DYRK2: variants seen among roughly 807,000 people sequenced by gnomAD.
DYRK2 encodes the protein dual specificity tyrosine-phosphorylation-regulated kinase 2.
DYRK2 carries 12 observed loss-of-function variants against 41.6 expected under a neutral mutation model. That is an observed-to-expected ratio of 0.29 (90% CI 0.18 to 0.47). DYRK2 has a LOEUF of 0.47. Ranked by LOEUF, DYRK2 falls within the 20% of genes least tolerant of loss-of-function variation. DYRK2 has a pLI of 1.00. For missense variants in DYRK2, 678 were observed against 798.4 expected (o/e 0.85, Z 1.82); for synonymous variants, 322 against 315.7 (o/e 1.02, Z -0.21).
At chr12:67,656,898 C>G (rs1320761535) in intron 2 of DYRK2, among the ~76,000 whole-genome samples, 1 of 152,102 alleles carries the variant, frequency 6.6e-6, no homozygotes, top group Non-Finnish European at 1.5e-5. Flanking sequence ...GTGGGGAACC[C>G]TGAATATGTA....
At chr12:67,653,605 C>T (rs921938722) in intron 2 of DYRK2, among the ~76,000 whole-genome samples, 31 of 152,222 alleles carry the variant, frequency 2.0e-4, no homozygotes, top group Non-Finnish European at 3.2e-4. Flanking sequence ...GCAAGCCTAA[C>T]GTCTTGTGAC....
rs772776286 is a variant in DYRK2 at position 67,658,236 on chromosome 12, G to T, written c.1329G>T (p.Gln443His). The part of the protein sequence containing the change: ...CMIELLGMPS[Q>H]KLLDASKRAK... ...TTGAACTGTTGGGCATGCCCTCACA[G>T]AAACTGCTGGATGCATCCAAACGAG... is the stretch of plus-strand genomic sequence containing the variant. Residue 443 changes from glutamine to histidine, a missense_variant, in exon 3 of 3, where the codon CAG becomes CAT. Coordinates refer to ENST00000344096, the MANE Select transcript of DYRK2 (RefSeq NM_006482.3). This position sits in a 1 kb window ranked among gnomAD's most constrained non-coding sequence, Gnocchi z 4.3. The T allele has an allele frequency of 6.2e-7, 1 of 1,614,222 alleles. No homozygotes were observed. The highest frequency in any genetic ancestry group is 1.7e-5 in the Admixed American group (1 of 60,028).
In DYRK2 at chr12:67,659,409, G is replaced by A. The variant is rs1478660992; in HGVS notation, c.*696G>A. 1 of 167,104 alleles carries A rather than the reference G, an allele frequency of 6.0e-6. No homozygotes were observed. Among genetic ancestry groups the A allele is most frequent in the East Asian group, 1.9e-4 (1 of 5,210 alleles). 10.4% of individuals were successfully genotyped at this position (167,104 alleles called of 1,614,324 possible). ...CCAAATTTTCTAGTATGATCGGTGA[G>A]CTGTTTTGTAAAGAAGCCTCATATT... On this transcript the variant is annotated 3_prime_UTR_variant, in exon 3 of 3. Coordinates refer to ENST00000344096, the MANE Select transcript of DYRK2 (RefSeq NM_006482.3).
intron 2 of DYRK2, among the ~76,000 whole-genome samples, chr12:67,656,518 A>C (rs777204631): frequency 2.0e-5 from 3 of 152,204 alleles, no homozygotes; most frequent in Non-Finnish European, 4.4e-5. Flanking sequence ...GGAATCTTTC[A>C]AGTCTAAAAA....
chr12:67,649,046 G>C lies in DYRK2; in HGVS notation c.-88G>C. 8.3e-7 allele frequency: 1 copy of C among 1,198,992 alleles called. No homozygotes were observed. Among genetic ancestry groups the C allele is most frequent in the Non-Finnish European group, 1.1e-6 (1 of 909,068 alleles). The allele number at this position is 1,198,992 out of a possible 1,614,324, so 74.3% of individuals were successfully genotyped here. A position where few individuals can be genotyped will look rare whatever the true frequency, so the allele number is the denominator to read the frequency against. On this transcript the variant is annotated 5_prime_UTR_variant, in exon 1 of 3. Transcript: ENST00000344096. ...CCGGGGACCCGCGCGAGGGGCGGCCGGGAGGCGGCGGCGGCGGCCGCCAGA... is the reference window on the plus strand; with the variant it reads ...CCGGGGACCCGCGCGAGGGGCGGCCCGGAGGCGGCGGCGGCGGCCGCCAGA...
chr12:67,659,177 C>G lies in DYRK2; in HGVS notation c.*464C>G, dbSNP rs557335306. On this transcript the variant is annotated 3_prime_UTR_variant, in exon 3 of 3. Coordinates refer to ENST00000344096, the MANE Select transcript of DYRK2 (RefSeq NM_006482.3). ...CTGCTTCCGTTTTTCATAAATTAAT[C>G]TGGGTGTTGGGGGTAGTGGGAGGAG... The G allele has an allele frequency of 6.0e-6, 1 of 167,632 alleles. No individual in the cohort carries two copies. The highest frequency in any genetic ancestry group is 1.9e-4 in the East Asian group (1 of 5,208). 10.4% of individuals were successfully genotyped at this position (167,632 alleles called of 1,614,324 possible).
Position 67,658,023 on chromosome 12 carries a change from T to C in DYRK2, c.1116T>C (p.Ser372=), listed in dbSNP as rs1198531309. Residue 372 remains serine (S), a synonymous_variant, in exon 3 of 3, where the codon AGT becomes AGC. Coordinates refer to ENST00000344096, the MANE Select transcript of DYRK2 (RefSeq NM_006482.3). This position sits in a 1 kb window ranked among gnomAD's most constrained non-coding sequence, Gnocchi z 4.3. Reference sequence around the variant, plus strand: ...TTAAAGTAATTGATTTTGGCTCCAGTTGTTACGAGCATCAGCGTGTCTACA... The same window carrying C: ...TTAAAGTAATTGATTTTGGCTCCAGCTGTTACGAGCATCAGCGTGTCTACA... ...SGIKVIDFGS[S]CYEHQRVYTY... 3.7e-6 allele frequency: 6 copies of C among 1,614,134 alleles called. No homozygotes were observed. Among genetic ancestry groups the C allele is most frequent in the African/African-American group, 1.3e-5 (1 of 74,944 alleles).
rs1325139765 is a variant in DYRK2, at chr12:67,665,307, T to C, written c.*6594T>C. 6.6e-6 allele frequency: 1 copy of C among 152,196 alleles called. No individual in the cohort carries two copies. The highest frequency in any genetic ancestry group is 1.5e-5 in the Non-Finnish European group (1 of 68,024). 9.4% of individuals were successfully genotyped at this position (152,196 alleles called of 1,614,324 possible). ...AAGCCCATGAAAAGCCCCAAATCAT[T>C]TAAGTAAAGCTTACTGAATTGTTTT... On this transcript the variant is annotated 3_prime_UTR_variant, in exon 3 of 3. Transcript: ENST00000344096.
chr12:67,653,518 C>T (rs138263604), intron 2 of DYRK2, among the ~76,000 whole-genome samples: 122 of 152,268 alleles, frequency 8.0e-4, no homozygotes, highest in Non-Finnish European at 1.5e-3. Flanking sequence ...GTGTTTTATA[C>T]ATGGTTTGAT....
rs1872517633 is a variant in DYRK2, at chr12:67,657,657, A to G, written c.750A>G (p.Leu250=). Residue 250 remains leucine (L), a synonymous_variant, in exon 3 of 3, where the codon CTA becomes CTG. Transcript: ENST00000344096. The surrounding 1 kb of genome is among the most constrained non-coding windows in gnomAD (Gnocchi z 4.8). ...YDHKVHQHVA[L]KMVRNEKRFH... is the part of the protein sequence containing the mutation. Reference sequence around the variant, plus strand: ...ACAAAGTCCACCAGCACGTGGCCCTAAAGATGGTGCGGAATGAGAAGCGCT... The same window carrying G: ...ACAAAGTCCACCAGCACGTGGCCCTGAAGATGGTGCGGAATGAGAAGCGCT... 1 of 1,613,926 alleles carries G rather than the reference A, an allele frequency of 6.2e-7. No individual in the cohort carries two copies. Among genetic ancestry groups the G allele is most frequent in the Non-Finnish European group, 8.5e-7 (1 of 1,179,988 alleles).
intron 2 of DYRK2, chr12:67,651,431 C>G: frequency 2.8e-6 from 1 of 351,480 alleles, no homozygotes; most frequent in East Asian, 8.2e-5. Context: ...TTTGCTTGAT[C>G]AGAGCCTCTT....
chr12:67,662,718 C>T lies in DYRK2; in HGVS notation c.*4005C>T, dbSNP rs1409115768. 1.7e-4 allele frequency: 27 copies of T among 162,424 alleles called. No individual in the cohort carries two copies. In the Admixed American group the frequency reaches 1.8e-3, roughly 11 times the overall value. The allele number at this position is 162,424 out of a possible 1,614,324, so 10.1% of individuals were successfully genotyped here. ...ACTCCTGATCTATTTCTGGTATTATCCTTTGTCAATTAGCCTGGAGAGGGT... is the reference window on the plus strand; with the variant it reads ...ACTCCTGATCTATTTCTGGTATTATTCTTTGTCAATTAGCCTGGAGAGGGT... On this transcript the variant is annotated 3_prime_UTR_variant, in exon 3 of 3. Coordinates refer to ENST00000344096, the MANE Select transcript of DYRK2 (RefSeq NM_006482.3).
In DYRK2 at chr12:67,655,121, C is replaced by T. The variant is rs757913127; in HGVS notation, c.199-1985C>T. Among the ~76,000 whole-genome samples, 14 of 152,242 alleles carry T rather than the reference C, an allele frequency of 9.2e-5. No individual in the cohort carries two copies. In the East Asian group the frequency reaches 1.2e-3, roughly 13 times the overall value. On this transcript the variant is annotated intron_variant, in intron 2 of 2. Coordinates refer to ENST00000344096, the MANE Select transcript of DYRK2 (RefSeq NM_006482.3). Reference sequence around the variant, plus strand: ...ATTTGTGATCATGTATTAAATTATGCGAAACACAAAAATTGCTTGAAGTAA... The same window carrying T: ...ATTTGTGATCATGTATTAAATTATGTGAAACACAAAAATTGCTTGAAGTAA...
At chr12:67,653,455 T>C (rs115700431) in intron 2 of DYRK2, among the ~76,000 whole-genome samples, 44,498 of 151,828 alleles carry the variant, frequency 0.29, 7,338 homozygotes, top group Admixed American at 0.35. Flanking sequence ...TCTGGAAAGC[T>C]TTTAAGATTG....
Position 67,649,908 on chromosome 12 carries a change from C to A in DYRK2, c.161C>A (p.Pro54His). 1 of 1,383,142 alleles carries A rather than the reference C, an allele frequency of 7.2e-7. No individual in the cohort carries two copies. The highest frequency in any genetic ancestry group is 9.3e-7 in the Non-Finnish European group (1 of 1,075,048). 85.7% of individuals were successfully genotyped at this position (1,383,142 alleles called of 1,614,324 possible). A position where few individuals can be genotyped will look rare whatever the true frequency, so the allele number is the denominator to read the frequency against. The change falls in exon 2 of 3, where the codon CCT becomes CAT. Residue 54 changes from proline (P) to histidine (H), a missense_variant. This residue lies in a region of DYRK2 where 285 missense variants were observed against 279.2 expected (regional missense o/e 1.02). Coordinates refer to ENST00000344096, the MANE Select transcript of DYRK2 (RefSeq NM_006482.3). ...CCGCCCTCCCCCATCGCCCTGCCGCCTCTCCGGGCCAGCAACGCTGCCGCC... is the reference window on the plus strand; with the variant it reads ...CCGCCCTCCCCCATCGCCCTGCCGCATCTCCGGGCCAGCAACGCTGCCGCC... ...TGPPSPIALP[P>H]LRASNAAAAA... is the part of the protein sequence containing the mutation.
In DYRK2 at chr12:67,649,211, C is replaced by T. The variant is rs1377606588; in HGVS notation, c.49+29C>T. The T allele has an allele frequency of 6.1e-6, 9 of 1,468,746 alleles. No individual in the cohort carries two copies. The Admixed American group carries it at 1.1e-4, about 17-fold the overall frequency. The allele number at this position is 1,468,746 out of a possible 1,614,324, so 91.0% of individuals were successfully genotyped here. A position where few individuals can be genotyped will look rare whatever the true frequency, so the allele number is the denominator to read the frequency against. Reference sequence around the variant, plus strand: ...AGGAGGCCGTGCCGCCGCGCCGCATCCCCGGACCCCCGCCGGCCCTGGGCA... The same window carrying T: ...AGGAGGCCGTGCCGCCGCGCCGCATTCCCGGACCCCCGCCGGCCCTGGGCA... On this transcript the variant is annotated intron_variant, in intron 1 of 2. Transcript: ENST00000344096.
At chr12:67,650,823 A>G (rs1039424732) in intron 2 of DYRK2, among the ~76,000 whole-genome samples, 1 of 152,070 alleles carries the variant, frequency 6.6e-6, no homozygotes, top group Non-Finnish European at 1.5e-5. Flanking sequence ...TTTTTTCCCA[A>G]TTGGATTTTC....
Position 67,649,965 on chromosome 12 carries a change from C to T in DYRK2, c.198+20C>T, listed in dbSNP as rs1483587809. ...CACACGGTGAGACCCAGCCCGCGGG[C>T]GGCCCGGGCGGTGGGGGCGGGAGGG... is the stretch of plus-strand genomic sequence containing the variant. On this transcript the variant is annotated intron_variant, in intron 2 of 2. Transcript: ENST00000344096. The T allele has an allele frequency of 2.3e-6, 3 of 1,324,842 alleles. No homozygotes were observed. Among genetic ancestry groups the T allele is most frequent in the South Asian group, 2.1e-5 (1 of 47,474 alleles). The allele number at this position is 1,324,842 out of a possible 1,614,324, so 82.1% of individuals were successfully genotyped here.
At chr12:67,649,763 C>T in intron 1 of DYRK2, 34 bp from the exon 2 acceptor site, 1 of 1,311,038 alleles carries the variant, frequency 7.6e-7, no homozygotes, top group African/African-American at 1.5e-5. Context: ...TCCCCCCTGA[C>T]CCTCTTTTGT....
Sources: gnomAD v4.1 joint callset for allele counts (sites outside exome capture counted in the v4.1 genomes callset) on GRCh38, gnomAD v4.1.1 for gene constraint, gnomAD v4.1.1 regional missense constraint, Gnocchi (gnomAD v3.1) non-coding constraint, MANE v1.5 for transcripts, NCBI Gene and HGNC (gene_info 2026-07-23, HGNC 2026-07-21) for gene names.